XG: variants seen among roughly 807,000 people sequenced by gnomAD.
The protein encoded by XG is glycoprotein Xg.
Under a neutral mutation model 25.7 loss-of-function variants are expected in XG, and 24 were observed. That is an observed-to-expected ratio of 0.93 (90% CI 0.68 to 1.31). XG has a LOEUF of 1.31. XG is among the 40% of genes most tolerant of loss of function. The pLI is 0.00. For missense variants in XG, 181 were observed against 187.6 expected, an observed-to-expected ratio of 0.96 and a Z score of 0.21; for synonymous variants, 77 against 69.2, an observed-to-expected ratio of 1.11 and a Z score of -0.56.
At chrX:2,762,674 G>A (rs149822465) in intron 1 of XG, among the ~76,000 whole-genome samples, 29 of 152,286 alleles carry the variant, frequency 1.9e-4, no homozygotes, top group Non-Finnish European at 1.8e-4. Flanking sequence ...AAGCCCCCCG[G>A]GAATAAGATT....
At chrX:2,794,021 T>A (rs2086860393) in intron 5 of XG, among the ~76,000 whole-genome samples, 1 of 109,042 alleles carries the variant, frequency 9.2e-6, no homozygotes, top group African/African-American at 3.3e-5. Flanking sequence ...TGGGCCTAGG[T>A]GGGAGGTGGG....
rs182761636 is a variant in XG at position 2,810,599 on chromosome X, G to A, written c.455-737G>A. Among the ~76,000 whole-genome samples the A allele has an allele frequency of 4.5e-3, 505 of 111,200 alleles. 1 individual carries two copies. The highest frequency in any genetic ancestry group is 6.3e-3 in the Non-Finnish European group (335 of 52,990). ...CAGGAGTTCAGGACGAGCTTAGGCG[G>A]CATAGTGAGACCCCATCTCTAAAAA... On this transcript the variant is annotated intron_variant, in intron 9 of 10. Transcript: ENST00000644266.
intron 3 of XG, among the ~76,000 whole-genome samples, chrX:2,779,561 C>T (rs1437299237): frequency 4.6e-5 from 7 of 152,008 alleles, no homozygotes; most frequent in African/African-American, 1.2e-4. Flanking sequence ...CCTTCTTCCC[C>T]GCAGACACCA....
At chrX:2,792,508 C>A (rs2086846175) in intron 5 of XG, among the ~76,000 whole-genome samples, 1 of 103,969 alleles carries the variant, frequency 9.6e-6, no homozygotes, top group South Asian at 4.4e-4. Flanking sequence ...CTAATTTTTT[C>A]TTTTTTCTTT....
intron 1 of XG, among the ~76,000 whole-genome samples, chrX:2,762,415 G>A (rs1280361488): frequency 2.0e-5 from 3 of 152,038 alleles, no homozygotes; most frequent in South Asian, 2.1e-4. Flanking sequence ...TGCTGAGACC[G>A]TGGAGGGTTC....
intron 3 of XG, among the ~76,000 whole-genome samples, chrX:2,781,146 T>C (rs147962110): frequency 0.24 from 36,980 of 151,490 alleles, 5,525 homozygotes; most frequent in African/African-American, 0.47. Flanking sequence ...AAGCCAGTGC[T>C]GTTATACAAA....
At chrX:2,811,514 C>T in intron 10 of XG, 62 bp downstream of exon 10, 1 of 808,317 alleles carries the variant, frequency 1.2e-6, no homozygotes. Flanking sequence ...AAAAAAATTA[C>T]TTTCAGATGT....
intron 1 of XG, among the ~76,000 whole-genome samples, chrX:2,769,581 G>A (rs1476994897): frequency 2.0e-5 from 3 of 152,184 alleles, no homozygotes; most frequent in Non-Finnish European, 4.4e-5. Flanking sequence ...TTCTCTGGTG[G>A]TGTTTTCTCT....
chrX:2,763,496 G>C (rs2050610239), intron 1 of XG, among the ~76,000 whole-genome samples: 1 of 151,876 alleles, frequency 6.6e-6, no homozygotes, highest in South Asian at 2.1e-4. Context: ...GGGGGTGGAA[G>C]GGGGGTGAGG....
rs1200510197 is a variant in XG, at chrX:2,766,721, C to T, written c.62-3829C>T. Among the ~76,000 whole-genome samples, 3 of 151,360 alleles carry T rather than the reference C, an allele frequency of 2.0e-5. No homozygotes were observed. In the East Asian group the frequency reaches 5.9e-4, roughly 30 times the overall value. ...CTGGGACTACAGGCGCCCGCCACCA[C>T]ACCCGGCTAATTTTTTTGTATTTTT... On this transcript the variant is annotated intron_variant, in intron 1 of 10. Transcript: ENST00000644266.
intron 3 of XG, among the ~76,000 whole-genome samples, chrX:2,776,211 T>C (rs112750833): frequency 0.011 from 1,667 of 151,286 alleles, 31 homozygotes; most frequent in African/African-American, 0.036. Context: ...CTCTCGGTCC[T>C]GAGGAAGGGG....
chrX:2,769,325 G>A (rs1354673084), intron 1 of XG, among the ~76,000 whole-genome samples: 1 of 152,186 alleles, frequency 6.6e-6, no homozygotes, highest in Non-Finnish European at 1.5e-5. Flanking sequence ...CTCCTCCAGG[G>A]CTTAGTGTTT....
At chrX:2,789,998 G>A (rs758492210) in intron 5 of XG, among the ~76,000 whole-genome samples, 5 of 110,491 alleles carry the variant, frequency 4.5e-5, no homozygotes, top group Non-Finnish European at 9.4e-5. Flanking sequence ...GACTACAGAT[G>A]TGTACCACCT....
At chrX:2,755,560 C>T (rs1569456916) in intron 1 of XG, among the ~76,000 whole-genome samples, 1 of 152,120 alleles carries the variant, frequency 6.6e-6, no homozygotes, top group South Asian at 2.1e-4. Flanking sequence ...ATGCCTTAAT[C>T]ATCTGGGAAT....
At chrX:2,770,680 C>A in intron 2 of XG, 89 bp downstream of exon 2, 1 of 1,521,326 alleles carries the variant, frequency 6.6e-7, no homozygotes, top group Non-Finnish European at 9.1e-7. Context: ...TTGGATTGGG[C>A]CAGTGTTGGG....
rs1458930067 is a variant in XG, at chrX:2,766,623, G to A, written c.62-3927G>A. ...TCTGTCACCCAGGCTGGAGTGTACT[G>A]GTGTGAACTCGGCTCACTGCAAGCT... is the stretch of plus-strand genomic sequence containing the variant. On this transcript the variant is annotated intron_variant, in intron 1 of 10. Transcript: ENST00000644266. Among the ~76,000 whole-genome samples, 3 of 140,442 alleles carry A rather than the reference G, an allele frequency of 2.1e-5. No individual in the cohort carries two copies. In the Admixed American group the frequency reaches 2.2e-4, roughly 10 times the overall value. 92.1% of individuals were successfully genotyped at this position (140,442 alleles called of 152,430 possible). A position where few individuals can be genotyped will look rare whatever the true frequency, so the allele number is the denominator to read the frequency against.
At position 2,787,683 on chromosome X, in the gene XG, G is replaced by T. The variant is rs369533427; in HGVS notation, c.191-1961G>T. On this transcript the variant is annotated intron_variant, in intron 4 of 10. Coordinates refer to ENST00000644266, the MANE Select transcript of XG (RefSeq NM_001141919.2). Reference sequence around the variant, plus strand: ...GCCCTTTCAGAGGCCGACGTGGGTGGATCACCTGAAGTCAGGATTTCAAGA... The same window carrying T: ...GCCCTTTCAGAGGCCGACGTGGGTGTATCACCTGAAGTCAGGATTTCAAGA... Among the ~76,000 whole-genome samples, 17 of 110,371 alleles carry T rather than the reference G, an allele frequency of 1.5e-4. 1 individual carries two copies. In the South Asian group the frequency reaches 2.3e-3, roughly 15 times the overall value.
At chrX:2,780,862 T>A (rs1235637977) in intron 3 of XG, among the ~76,000 whole-genome samples, 2 of 152,178 alleles carry the variant, frequency 1.3e-5, no homozygotes, top group African/African-American at 4.8e-5. Flanking sequence ...GAGTTTCTGA[T>A]TAGCCTTTCC....
intron 1 of XG, among the ~76,000 whole-genome samples, chrX:2,765,024 T>A (rs1436689661): frequency 1.0e-5 from 1 of 98,524 alleles, no homozygotes; most frequent in South Asian, 3.4e-4. Context: ...CTGGGCAACA[T>A]AGTGAGATTC....
Sources: gnomAD v4.1 joint callset for allele counts (sites outside exome capture counted in the v4.1 genomes callset) on GRCh38, gnomAD v4.1.1 for gene constraint, MANE v1.5 for transcripts, NCBI Gene and HGNC (gene_info 2026-07-23, HGNC 2026-07-21) for gene names.